TCF12: variants seen among roughly 807,000 people sequenced by gnomAD.
TCF12 encodes the protein DNA-binding protein HTF4.
In TCF12, 45 loss-of-function variants were observed where a neutral mutation model predicts 86.0. That is an observed-to-expected ratio of 0.52 (90% confidence interval 0.41 to 0.67). TCF12 has a LOEUF of 0.67. Ranked by LOEUF, TCF12 falls within the 30% of genes least tolerant of loss-of-function variation. The probability of loss-of-function intolerance (pLI) is 0.00; values close to 1 mark genes in which losing one functional copy is unlikely to be tolerated. For synonymous variants in TCF12, 330 were observed against 299.6 expected, an observed-to-expected ratio of 1.10 and a Z score of -1.05; for missense variants, 881 against 859.9, an observed-to-expected ratio of 1.02 and a Z score of -0.31.
intron 8 of TCF12, chr15:57,219,612 G>T: frequency 6.2e-7 from 1 of 1,608,184 alleles, no homozygotes; most frequent in Non-Finnish European, 8.5e-7. Context: ...TCTTTGTATA[G>T]CTTCTAACTC....
At chr15:56,952,645 A>G (rs927701420) in intron 3 of TCF12, among the ~76,000 whole-genome samples, 1 of 152,138 alleles carries the variant, frequency 6.6e-6, no homozygotes, top group Non-Finnish European at 1.5e-5. Context: ...ACTGTTATAT[A>G]TGGCATTGTT....
chr15:57,277,501 C>T (rs1422404069), intron 19 of TCF12, among the ~76,000 whole-genome samples: 27 of 151,270 alleles, frequency 1.8e-4, no homozygotes, highest in African/African-American at 6.6e-4. Flanking sequence ...GGGTGGCGTG[C>T]GCAAGTAGTC....
At chr15:57,259,808 T>C (rs1567004125) in intron 16 of TCF12, among the ~76,000 whole-genome samples, 1 of 152,204 alleles carries the variant, frequency 6.6e-6, no homozygotes, top group Non-Finnish European at 1.5e-5. Flanking sequence ...AAGAACTGTT[T>C]ATACACCTGT....
intron 3 of TCF12, among the ~76,000 whole-genome samples, chr15:56,928,482 G>A (rs2060111015): frequency 6.6e-6 from 1 of 152,112 alleles, no homozygotes; most frequent in African/African-American, 2.4e-5. Context: ...TGTCTGTGGT[G>A]TTGGAAGTGA....
At chr15:57,189,594 G>T (rs1360059286) in intron 6 of TCF12, among the ~76,000 whole-genome samples, 1 of 152,126 alleles carries the variant, frequency 6.6e-6, no homozygotes, top group Non-Finnish European at 1.5e-5. Context: ...CAGAAACTAG[G>T]CAAGGATATG....
At position 57,231,260 on chromosome 15, in the gene TCF12, A is replaced by G. The variant is rs1248986456; in HGVS notation, c.685+3A>G. The G allele has an allele frequency of 1.3e-6, 2 of 1,596,420 alleles. No individual in the cohort carries two copies. The highest frequency in any genetic ancestry group is 2.2e-5 in the East Asian group (1 of 44,684). On this transcript the variant is annotated splice_donor_region_variant and intron_variant, in intron 9 of 20. Coordinates refer to ENST00000333725, the MANE Select transcript of TCF12 (RefSeq NM_207037.2). ...CGCTAGCACTTTCTTTATGCAAGGTAAGTACTACCAAACAATTGCCAAATA... is the reference window on the plus strand; with the variant it reads ...CGCTAGCACTTTCTTTATGCAAGGTGAGTACTACCAAACAATTGCCAAATA...
chr15:57,232,369 C>T lies in TCF12; in HGVS notation c.764C>T (p.Thr255Ile). The change falls in exon 10 of 21, where the codon ACC becomes ATC. Residue 255 changes from threonine (T) to isoleucine (I), a missense_variant. This residue lies in a region of TCF12 where 766 missense variants were observed against 718.9 expected (regional missense o/e 1.07). Coordinates refer to ENST00000333725, the MANE Select transcript of TCF12 (RefSeq NM_207037.2). ...SQPGFGGILG[T>I]STSHMSQSSS... ...CCTGGTTTTGGTGGAATTCTGGGGA[C>T]CTCCACTTCCCACATGTCTCAATCC... is the stretch of plus-strand genomic sequence containing the variant. 6.2e-7 allele frequency: 1 copy of T among 1,613,586 alleles called. No homozygotes were observed. The highest frequency in any genetic ancestry group is 1.1e-5 in the South Asian group (1 of 90,996).
chr15:57,208,192 C>A (rs1185953284), intron 8 of TCF12, among the ~76,000 whole-genome samples: 2 of 151,436 alleles, frequency 1.3e-5, no homozygotes, highest in Admixed American at 6.6e-5. Context: ...GCCACCACAC[C>A]CAGCTAATTT....
intron 6 of TCF12, among the ~76,000 whole-genome samples, chr15:57,170,064 A>G (rs2055196579): frequency 1.3e-5 from 2 of 152,214 alleles, no homozygotes; most frequent in Non-Finnish European, 1.5e-5. Context: ...TTCTTTTAAC[A>G]ACAACTCATT....
chr15:57,231,532 T>C (rs2059139152), intron 9 of TCF12, among the ~76,000 whole-genome samples: 1 of 152,184 alleles, frequency 6.6e-6, no homozygotes, highest in Non-Finnish European at 1.5e-5. Context: ...TTCTTGCTCA[T>C]TTTAGAATTG....
intron 13 of TCF12, among the ~76,000 whole-genome samples, chr15:57,249,555 GC>G (rs1350504119): frequency 4.6e-5 from 7 of 151,996 alleles, no homozygotes; most frequent in African/African-American, 1.7e-4. Context: ...TTTTCAACTT[GC>G]AAAATGTGTA....
intron 6 of TCF12, among the ~76,000 whole-genome samples, chr15:57,173,126 G>C (rs1448897763): frequency 6.6e-6 from 1 of 152,056 alleles, no homozygotes; most frequent in Non-Finnish European, 1.5e-5. Flanking sequence ...AAAAACACCA[G>C]ATGTTCAGAA....
chr15:56,962,698 T>C (rs1380874921), intron 3 of TCF12, among the ~76,000 whole-genome samples: 1 of 152,232 alleles, frequency 6.6e-6, no homozygotes. Flanking sequence ...AGGTTGTTAC[T>C]AGATCATCTC....
At chr15:57,029,974 T>G (rs1342894368) in intron 3 of TCF12, among the ~76,000 whole-genome samples, 2 of 152,224 alleles carry the variant, frequency 1.3e-5, no homozygotes, top group East Asian at 3.8e-4. Context: ...TGTTTTTTCA[T>G]GTTAAAGGAC....
chr15:57,203,282 C>T (rs1486961200), intron 8 of TCF12, among the ~76,000 whole-genome samples: 1 of 152,168 alleles, frequency 6.6e-6, no homozygotes, highest in African/African-American at 2.4e-5. Context: ...TTCTAAATCA[C>T]TCGTTGAACA....
rs773341076 is a variant in TCF12 at position 57,282,486 on chromosome 15, G to A, written c.2020G>A (p.Glu674Lys). ...NPKAACLKRR[E>K]EEKVSAVSAE... The stretch of plus-strand genomic sequence containing the variant: ...CAAAGCAGCCTGCCTTAAGAGAAGG[G>A]AAGAAGAAAAAGTTTCTGCCGTATC... The change falls in exon 20 of 21, where the codon GAA becomes AAA. Residue 674 changes from glutamate (E) to lysine (K), a missense_variant. By Grantham distance (56) the Glu-to-Lys change is moderately conservative. Coordinates refer to ENST00000333725, the MANE Select transcript of TCF12 (RefSeq NM_207037.2). 7 of 1,614,216 alleles carry A rather than the reference G, an allele frequency of 4.3e-6. No homozygotes were observed. The South Asian group carries it at 7.7e-5, about 18-fold the overall frequency.
intron 3 of TCF12, among the ~76,000 whole-genome samples, chr15:57,002,399 C>T (rs2064101131): frequency 6.6e-6 from 1 of 152,192 alleles, no homozygotes; most frequent in Non-Finnish European, 1.5e-5. Context: ...CATACTCAAT[C>T]ACAATGTTTA....
chr15:57,241,032 C>G (rs1447926482), intron 12 of TCF12, among the ~76,000 whole-genome samples: 2 of 151,794 alleles, frequency 1.3e-5, no homozygotes, highest in Admixed American at 1.3e-4. Flanking sequence ...TGTACTTTCC[C>G]AAGCTAATTT....
At chr15:57,194,239 C>T (rs2057132464) in intron 7 of TCF12, among the ~76,000 whole-genome samples, 1 of 141,752 alleles carries the variant, frequency 7.1e-6, no homozygotes, top group African/African-American at 2.4e-5. Flanking sequence ...TGATGATAGA[C>T]ACTATTGATT....
Sources: allele counts gnomAD v4.1 joint callset (sites outside exome capture counted in the v4.1 genomes callset), GRCh38; gene constraint gnomAD v4.1.1; regional missense constraint gnomAD v4.1.1; transcripts MANE v1.5; gene names NCBI Gene and HGNC (gene_info 2026-07-23, HGNC 2026-07-21).